Variants in MLLT3 observed in about 807,000 individuals in gnomAD.
MLLT3 encodes protein AF-9.
MLLT3 carries 4 observed loss-of-function variants against 53.2 expected under a neutral mutation model. The ratio of observed to expected loss-of-function variants is 0.08; its 90% CI spans 0.04 to 0.17. The LOEUF (loss-of-function observed/expected upper bound fraction) is 0.17, where lower values mean the gene tolerates loss of function less well. MLLT3 is among the 10% of genes least tolerant of loss of function. MLLT3 has a pLI of 1.00. For synonymous variants in MLLT3, 283 were observed against 230.6 expected, an observed-to-expected ratio of 1.23 and a Z score of -2.06; for missense variants, 569 against 684.0, an observed-to-expected ratio of 0.83 and a Z score of 1.87.
At chr9:20,480,239 A>C (rs1824627655) in intron 2 of MLLT3, among the ~76,000 whole-genome samples, 1 of 152,212 alleles carries the variant, frequency 6.6e-6, no homozygotes, top group Non-Finnish European at 1.5e-5. Context: ...CTTGAGAGCC[A>C]AACTGTAAAC....
intron 2 of MLLT3, among the ~76,000 whole-genome samples, chr9:20,473,296 TA>T (rs1824440061): frequency 6.6e-6 from 1 of 152,166 alleles, no homozygotes; most frequent in Non-Finnish European, 1.5e-5. Context: ...CATCGTTTTC[TA>T]AAACACTTTT....
chr9:20,442,874 T>C (rs1243800185), intron 4 of MLLT3, among the ~76,000 whole-genome samples: 1 of 152,178 alleles, frequency 6.6e-6, no homozygotes, highest in Non-Finnish European at 1.5e-5. Context: ...TGGAAGCATG[T>C]TCCCCATGTC....
chr9:20,478,613 T>G (rs769618092), intron 2 of MLLT3, among the ~76,000 whole-genome samples: 15 of 152,130 alleles, frequency 9.9e-5, no homozygotes, highest in Non-Finnish European at 1.8e-4. Flanking sequence ...ATGATCACTA[T>G]AGTTAAGATG....
chr9:20,597,883 A>T (rs1019728118), intron 2 of MLLT3, among the ~76,000 whole-genome samples: 1 of 152,218 alleles, frequency 6.6e-6, no homozygotes, highest in Non-Finnish European at 1.5e-5. Flanking sequence ...TTTTTTCCAA[A>T]TAGTTCTTTA....
At chr9:20,494,427 T>C (rs1208053231) in intron 2 of MLLT3, among the ~76,000 whole-genome samples, 1 of 152,138 alleles carries the variant, frequency 6.6e-6, no homozygotes, top group East Asian at 1.9e-4. Context: ...CAACTTAAAA[T>C]TAAGAAATAA....
chr9:20,560,450 C>T (rs1819174383), intron 2 of MLLT3, among the ~76,000 whole-genome samples: 1 of 152,080 alleles, frequency 6.6e-6, no homozygotes, highest in Admixed American at 6.6e-5. Context: ...TACTGAGCAC[C>T]CATTATGAGC....
Position 20,392,054 on chromosome 9 carries a change from G to A in MLLT3, c.1125+21667C>T, listed in dbSNP as rs1042227376. On this transcript the variant is annotated intron_variant, in intron 5 of 10. Coordinates refer to ENST00000380338, the MANE Select transcript of MLLT3 (RefSeq NM_004529.4). Reference sequence around the variant, plus strand: ...GCCACAAGAATCAGCTCACCTTGTCGGTAAGCGGGAACTTCACCGGAAAAA... The same window carrying A: ...GCCACAAGAATCAGCTCACCTTGTCAGTAAGCGGGAACTTCACCGGAAAAA... 2.6e-4 allele frequency among the ~76,000 whole-genome samples: 40 copies of A among 152,188 alleles called. 1 individual carries two copies. The East Asian group carries it at 3.9e-3, about 15-fold the overall frequency.
intron 4 of MLLT3, among the ~76,000 whole-genome samples, chr9:20,419,652 G>A (rs2118789735): frequency 6.6e-6 from 1 of 152,178 alleles, no homozygotes; most frequent in Non-Finnish European, 1.5e-5. Flanking sequence ...AGAAAGAACA[G>A]TAACATCCAG....
chr9:20,408,420 A>T (rs1822641228), intron 5 of MLLT3, among the ~76,000 whole-genome samples: 1 of 152,186 alleles, frequency 6.6e-6, no homozygotes, highest in Non-Finnish European at 1.5e-5. Context: ...AAATAGGGAC[A>T]GGTGAAACAT....
chr9:20,410,124 C>T (rs546980573), intron 5 of MLLT3, among the ~76,000 whole-genome samples: 3 of 151,984 alleles, frequency 2.0e-5, no homozygotes, highest in Admixed American at 6.6e-5. Context: ...CACCTTGTGA[C>T]GACAAAATTC....
At chr9:20,446,002 A>C (rs952837362) in intron 4 of MLLT3, among the ~76,000 whole-genome samples, 2 of 152,228 alleles carry the variant, frequency 1.3e-5, no homozygotes, top group Non-Finnish European at 2.9e-5. Flanking sequence ...TCAATAATAT[A>C]AGGCAGTCAA....
chr9:20,380,996 T>C (rs940310548), intron 5 of MLLT3, among the ~76,000 whole-genome samples: 4 of 151,940 alleles, frequency 2.6e-5, no homozygotes, highest in Non-Finnish European at 4.4e-5. Context: ...GGGGAGAGAC[T>C]AGCTTTAAAG....
chr9:20,482,800 A>T (rs1824697683), intron 2 of MLLT3, among the ~76,000 whole-genome samples: 1 of 152,148 alleles, frequency 6.6e-6, no homozygotes, highest in Middle Eastern at 3.2e-3. Context: ...TTAGGTAAAA[A>T]ATCTCTCCCA....
intron 2 of MLLT3, among the ~76,000 whole-genome samples, chr9:20,463,852 A>C (rs1288300713): frequency 6.6e-6 from 1 of 152,156 alleles, no homozygotes; most frequent in African/African-American, 2.4e-5. Context: ...TCCATCTGGA[A>C]AAGCAACACT....
intron 2 of MLLT3, among the ~76,000 whole-genome samples, chr9:20,549,605 A>G: frequency 6.6e-6 from 1 of 152,366 alleles, no homozygotes; most frequent in African/African-American, 2.4e-5. Flanking sequence ...CAAAGGTCAC[A>G]CAGGCGACTG....
intron 2 of MLLT3, among the ~76,000 whole-genome samples, chr9:20,572,814 T>A (rs1819563026): frequency 6.6e-6 from 1 of 152,084 alleles, no homozygotes; most frequent in Non-Finnish European, 1.5e-5. Flanking sequence ...AATATATAAA[T>A]AAGTAAACAG....
intron 2 of MLLT3, among the ~76,000 whole-genome samples, chr9:20,468,468 G>T (rs1314954471): frequency 1.3e-5 from 2 of 152,116 alleles, no homozygotes; most frequent in East Asian, 3.9e-4. Flanking sequence ...AAGCCCAAGT[G>T]AGCACATATT....
intron 5 of MLLT3, among the ~76,000 whole-genome samples, chr9:20,379,661 T>C: frequency 6.6e-6 from 1 of 152,066 alleles, no homozygotes. Flanking sequence ...TTAAAAACAA[T>C]AAGAAGGTAC....
In MLLT3 at chr9:20,414,285, GCTGCTGCTGCTGCTACTGCTGCTGCTA is replaced by G. The variant is rs1257565231; in HGVS notation, c.534_560del (p.Ser182_Ser190del). The G allele has an allele frequency of 6.2e-7, 1 of 1,611,652 alleles. No individual in the cohort carries two copies. Among genetic ancestry groups the G allele is most frequent in the African/African-American group, 1.3e-5 (1 of 74,804 alleles). On this transcript the variant is annotated inframe_deletion, in exon 5 of 11. Coordinates refer to ENST00000380338, the MANE Select transcript of MLLT3 (RefSeq NM_004529.4). ...GCTTTGAAAAACTGGTACTACTGCT[GCTGCTGCTGCTGCTACTGCTGCTGCTA>G]CTGCTGCTGCTGCTGCTGCTGCTGC...
Sources: gnomAD v4.1 joint callset for allele counts (sites outside exome capture counted in the v4.1 genomes callset) on GRCh38, gnomAD v4.1.1 for gene constraint, MANE v1.5 for transcripts, NCBI Gene and HGNC (gene_info 2026-07-23, HGNC 2026-07-21) for gene names.